Variants in GABRR2 observed in about 807,000 individuals in gnomAD.
The protein encoded by GABRR2 is gamma-aminobutyric acid receptor subunit rho-2.
Under a neutral mutation model 47.0 loss-of-function variants are expected in GABRR2, and 36 were observed. The observed-to-expected ratio is 0.77, with a 90% CI of 0.59 to 1.01. GABRR2 has a LOEUF of 1.01. Among genes scored for constraint, GABRR2 ranks in the 50% least tolerant of loss-of-function variants. GABRR2 has a pLI of 0.00. For synonymous variants in GABRR2, 204 were observed against 227.5 expected (o/e 0.90, Z 0.93); for missense variants, 587 against 594.6 (o/e 0.99, Z 0.13).
chr6:89,258,697 G>T (rs889324989), intron 8 of GABRR2, among the ~76,000 whole-genome samples: 1 of 150,412 alleles, frequency 6.6e-6, no homozygotes, highest in East Asian at 2.0e-4. Flanking sequence ...TTCCAGCCTG[G>T]GTGACAGAGC....
In GABRR2 at chr6:89,257,873, T is replaced by C. The variant is rs1423099533; in HGVS notation, c.1195A>G (p.Thr399Ala). 2 of 1,613,934 alleles carry C rather than the reference T, an allele frequency of 1.2e-6. No homozygotes were observed. The highest frequency in any genetic ancestry group is 2.7e-5 in the African/African-American group (2 of 74,926). ...LAGYPRSHIL[T>A]EEERQDKIVV... Reference sequence around the variant, plus strand: ...ATTTTGTCTTGCCTTTCTTCTTCTGTCAGGATATGGCTTCTGGGGTACCCA... The same window carrying C: ...ATTTTGTCTTGCCTTTCTTCTTCTGCCAGGATATGGCTTCTGGGGTACCCA... The change falls in exon 9 of 9, where the codon ACA becomes GCA. Residue 399 changes from threonine to alanine, a missense_variant. By Grantham distance (58) the Thr-to-Ala change is moderately conservative. Transcript: ENST00000402938.
At chr6:89,282,057 TC>T (rs1774262169) in intron 2 of GABRR2, among the ~76,000 whole-genome samples, 1 of 152,146 alleles carries the variant, frequency 6.6e-6, no homozygotes, top group African/African-American at 2.4e-5. Flanking sequence ...CACGACTGCA[TC>T]ACTACTCCTT....
intron 1 of GABRR2, among the ~76,000 whole-genome samples, 178 bp from the exon 2 acceptor site, chr6:89,300,043 G>A (rs1438427491): frequency 6.6e-6 from 1 of 152,186 alleles, no homozygotes; most frequent in Non-Finnish European, 1.5e-5. Flanking sequence ...ATCCTCACAG[G>A]TAGACTGACC....
chr6:89,268,880 T>C, intron 4 of GABRR2, 131 bp downstream of exon 4: 1 of 721,444 alleles, frequency 1.4e-6, no homozygotes, highest in East Asian at 2.7e-5. Flanking sequence ...TAGTTCTGAC[T>C]AGCATCAGAA....
intron 3 of GABRR2, chr6:89,270,531 T>A (rs1319754837): frequency 6.6e-6 from 1 of 152,326 alleles, no homozygotes; most frequent in Non-Finnish European, 1.5e-5. Context: ...CCAAAGGGGC[T>A]GGCAATGTAA....
intron 2 of GABRR2, among the ~76,000 whole-genome samples, chr6:89,290,967 C>G (rs932204990): frequency 6.6e-6 from 1 of 152,190 alleles, no homozygotes; most frequent in Non-Finnish European, 1.5e-5. Flanking sequence ...GCTACTTTCC[C>G]TTGACCCTGC....
rs545206293 is a variant in GABRR2, at chr6:89,308,477, TA to T, written c.113+6575del. ...CCATTACCTCAGTGGAGTGTGATAATAAAAAAAAATTAAATAAATAAATAAC... is the reference window on the plus strand; with the variant it reads ...CCATTACCTCAGTGGAGTGTGATAATAAAAAAAATTAAATAAATAAATAAC... On this transcript the variant is annotated intron_variant, in intron 1 of 8. Transcript: ENST00000402938. Among the ~76,000 whole-genome samples, 503 of 151,746 alleles carry T rather than the reference TA, an allele frequency of 3.3e-3. 3 individuals are homozygous for T. Among genetic ancestry groups the T allele is most frequent in the African/African-American group, 0.011 (466 of 41,338 alleles).
At chr6:89,304,512 C>T (rs574197194) in intron 1 of GABRR2, among the ~76,000 whole-genome samples, 1 of 151,500 alleles carries the variant, frequency 6.6e-6, no homozygotes, top group Non-Finnish European at 1.5e-5. Context: ...TCACTTGAAC[C>T]TGGGAGGCAG....
At chr6:89,271,996 T>A (rs1774063836) in intron 2 of GABRR2, among the ~76,000 whole-genome samples, 1 of 152,206 alleles carries the variant, frequency 6.6e-6, no homozygotes, top group South Asian at 2.1e-4. Flanking sequence ...GATCACCACT[T>A]TTTACATCCC....
At chr6:89,284,651 G>A (rs1434427469) in intron 2 of GABRR2, among the ~76,000 whole-genome samples, 3 of 152,220 alleles carry the variant, frequency 2.0e-5, no homozygotes, top group Admixed American at 2.0e-4. Context: ...CCCAGGAAGT[G>A]CAAGAGAATG....
intron 1 of GABRR2, among the ~76,000 whole-genome samples, chr6:89,310,085 G>T (rs1767654421): frequency 6.6e-6 from 1 of 151,540 alleles, no homozygotes; most frequent in Non-Finnish European, 1.5e-5. Flanking sequence ...ATATTCTCTG[G>T]GTTTGGACAA....
At chr6:89,309,848 G>C (rs1167676953) in intron 1 of GABRR2, among the ~76,000 whole-genome samples, 1 of 151,962 alleles carries the variant, frequency 6.6e-6, no homozygotes, top group African/African-American at 2.4e-5. Flanking sequence ...TGCAATTGTA[G>C]CTCACTGCAG....
chr6:89,306,086 T>TA (rs397942929), intron 1 of GABRR2, among the ~76,000 whole-genome samples: 5 of 151,738 alleles, frequency 3.3e-5, no homozygotes, highest in African/African-American at 9.7e-5. Flanking sequence ...TTTTTTTTTT[T>TA]AATTTCTTGG....
At chr6:89,275,277 T>C (rs1250383208) in intron 2 of GABRR2, among the ~76,000 whole-genome samples, 1 of 152,112 alleles carries the variant, frequency 6.6e-6, no homozygotes. Context: ...AAAATTTACT[T>C]TTTTTTCTGT....
rs928865295 is a variant in GABRR2 at position 89,300,601 on chromosome 6, T to C, written c.114-736A>G. On this transcript the variant is annotated intron_variant, in intron 1 of 8. Transcript: ENST00000402938. ...CATGAACAACTCTGTGTACACAAACTAGAAAACCTAGAAGAGATGGATAAA... is the reference window on the plus strand; with the variant it reads ...CATGAACAACTCTGTGTACACAAACCAGAAAACCTAGAAGAGATGGATAAA... Among the ~76,000 whole-genome samples, 12 of 151,912 alleles carry C rather than the reference T, an allele frequency of 7.9e-5. No homozygotes were observed. In the South Asian group the frequency reaches 1.2e-3, roughly 16 times the overall value.
chr6:89,257,095 G>A lies in GABRR2; in HGVS notation c.*575C>T, dbSNP rs757028192. 1 of 152,884 alleles carries A rather than the reference G, an allele frequency of 6.5e-6. No homozygotes were observed. Among genetic ancestry groups the A allele is most frequent in the Non-Finnish European group, 1.5e-5 (1 of 68,576 alleles). The allele number at this position is 152,884 out of a possible 1,614,324, so 9.5% of individuals were successfully genotyped here. The stretch of plus-strand genomic sequence containing the variant: ...GTGGGACCTCAATATTTAATGAATG[G>A]TTGAATGGATGGATAAATGAATAAT... On this transcript the variant is annotated 3_prime_UTR_variant, in exon 9 of 9. Transcript: ENST00000402938.
intron 1 of GABRR2, chr6:89,302,399 A>T (rs1767464093): frequency 3.5e-6 from 2 of 566,900 alleles, no homozygotes; most frequent in Non-Finnish European, 7.0e-6. Context: ...GCGCTCTAGG[A>T]CATCTGCGTC....
In GABRR2 at chr6:89,269,173, C is replaced by T. The variant is rs1359611877; in HGVS notation, c.350G>A (p.Ser117Asn). 1.2e-6 allele frequency: 2 copies of T among 1,613,952 alleles called. No individual in the cohort carries two copies. Among genetic ancestry groups the T allele is most frequent in the Non-Finnish European group, 1.7e-6 (2 of 1,179,916 alleles). The change falls in exon 4 of 9, where the codon AGC (serine) becomes AAC (asparagine). Residue 117 changes from serine to asparagine, a missense_variant. By Grantham distance (46) the Ser-to-Asn change is conservative (BLOSUM62 1). Coordinates refer to ENST00000402938, the MANE Select transcript of GABRR2 (RefSeq NM_002043.5). The part of the protein sequence containing the change: ...YWKDERLAFS[S>N]ASNKSMTFDG... ...GAAGGTCATGCTCTTGTTGCTGGCG[C>T]TGGAGAAAGCTAGCCTCTCATCCTT...
intron 2 of GABRR2, among the ~76,000 whole-genome samples, chr6:89,283,091 C>G (rs771933395): frequency 2.6e-5 from 4 of 152,190 alleles, no homozygotes; most frequent in Non-Finnish European, 4.4e-5. Flanking sequence ...TTTTATTTCT[C>G]TAATTACCAA....
Sources: allele counts gnomAD v4.1 joint callset (sites outside exome capture counted in the v4.1 genomes callset), GRCh38; gene constraint gnomAD v4.1.1; transcripts MANE v1.5; gene names NCBI Gene and HGNC (gene_info 2026-07-23, HGNC 2026-07-21).